The following GCFC2 variants were observed in gnomAD, a reference collection of about 807,000 sequenced individuals.
GCFC2 encodes intron Large complex component GCFC2.
A neutral mutation model predicts 99.4 loss-of-function variants in GCFC2; 102 were observed. The ratio of observed to expected loss-of-function variants is 1.03; its 90% confidence interval spans 0.87 to 1.21. The LOEUF (loss-of-function observed/expected upper bound fraction) is 1.21. GCFC2 is among the 50% of genes most tolerant of loss of function. The probability of loss-of-function intolerance (pLI) is 0.00; values close to 1 mark genes in which losing one functional copy is unlikely to be tolerated. For missense variants in GCFC2, 973 were observed against 920.9 expected (o/e 1.06, Z -0.73); for synonymous variants, 338 against 316.8 (o/e 1.07, Z -0.71).
rs1478976305 is a variant in GCFC2, at chr2:75,689,188, T to G, written c.1377A>C (p.Glu459Asp). The G allele has an allele frequency of 1.9e-6, 3 of 1,603,236 alleles. No individual in the cohort carries two copies. The highest frequency in any genetic ancestry group is 1.3e-5 in the African/African-American group (1 of 74,558). The stretch of plus-strand genomic sequence containing the variant: ...GGATGTTACAAAAATCATCTTGCAC[T>G]TCTTCAAAAACTTTCTTCTGTTTCT... ...ILQKQKKVFE[E>D]VQDDFCNIQN... The change falls in exon 10 of 17, where the codon GAA becomes GAC. Residue 459 changes from glutamate to aspartate, a missense_variant. By Grantham distance (45) the Glu-to-Asp change is conservative. Coordinates refer to ENST00000321027, the MANE Select transcript of GCFC2 (RefSeq NM_003203.5).
chr2:75,693,184 A>G (rs1375955824), intron 6 of GCFC2, among the ~76,000 whole-genome samples: 1 of 152,168 alleles, frequency 6.6e-6, no homozygotes, highest in Admixed American at 6.5e-5. Flanking sequence ...CAGGCCTATA[A>G]CCCTAGCACT....
intron 11 of GCFC2, among the ~76,000 whole-genome samples, chr2:75,684,199 C>T (rs1388806388): frequency 6.6e-6 from 1 of 152,210 alleles, no homozygotes; most frequent in Non-Finnish European, 1.5e-5. Context: ...CCACATCACA[C>T]TTATTCTAAA....
rs998282287 is a variant in GCFC2, at chr2:75,675,509, G to C, written c.1813-1989C>G. ...TGTAATCCTAGCACTTTGGGAGGCTGAGGTGGGTGGGTCACTTGAGGCCAG... is the reference window on the plus strand; with the variant it reads ...TGTAATCCTAGCACTTTGGGAGGCTCAGGTGGGTGGGTCACTTGAGGCCAG... On this transcript the variant is annotated intron_variant, in intron 12 of 16. Transcript: ENST00000321027. 9.2e-5 allele frequency among the ~76,000 whole-genome samples: 14 copies of C among 152,108 alleles called. No homozygotes were observed. The East Asian group carries it at 2.7e-3, about 29-fold the overall frequency.
chr2:75,694,950 A>T (rs1195901749), intron 5 of GCFC2, among the ~76,000 whole-genome samples: 1 of 152,130 alleles, frequency 6.6e-6, no homozygotes, highest in African/African-American at 2.4e-5. Context: ...GTGGTAATTT[A>T]CTTCGTTCTG....
At chr2:75,692,452 G>C (rs754689133) in intron 6 of GCFC2, among the ~76,000 whole-genome samples, 2 of 152,012 alleles carry the variant, frequency 1.3e-5, no homozygotes, top group Non-Finnish European at 2.9e-5. Flanking sequence ...TTCAAGGCCA[G>C]CCTGGCCAAC....
At chr2:75,672,182 TA>T (rs997903448) in intron 13 of GCFC2, among the ~76,000 whole-genome samples, 166 bp from the exon 14 acceptor site, 29 of 145,912 alleles carry the variant, frequency 2.0e-4, no homozygotes, top group African/African-American at 6.0e-4. Flanking sequence ...TATTTATTTA[TA>T]AAATATATAT....
intron 11 of GCFC2, among the ~76,000 whole-genome samples, chr2:75,682,509 T>C (rs1262360876): frequency 6.6e-6 from 1 of 151,702 alleles, no homozygotes; most frequent in Non-Finnish European, 1.5e-5. Context: ...GCAAAAAGGC[T>C]GAAAATTCCA....
rs1678670943 is a variant in GCFC2, at chr2:75,662,955, TTTTGTAAA to T, written c.*1703_*1710del. ...ATGTACACATAGAAACACGTAACAT[TTTTGTAAA>T]TAGAGAAAAGGTCTAAAAGGATAAC... On this transcript the variant is annotated 3_prime_UTR_variant, in exon 17 of 17. Transcript: ENST00000321027. 2 of 150,902 alleles carry T rather than the reference TTTTGTAAA, an allele frequency of 1.3e-5. No homozygotes were observed. The highest frequency in any genetic ancestry group is 6.6e-5 in the Admixed American group (1 of 15,190). 9.3% of individuals were successfully genotyped at this position (150,902 alleles called of 1,614,324 possible). A position where few individuals can be genotyped will look rare whatever the true frequency, so the allele number is the denominator to read the frequency against.
rs752872194 is a variant in GCFC2, at chr2:75,687,780, ACT to A, written c.1690+45_1690+46del. The A allele has an allele frequency of 9.7e-5, 140 of 1,436,814 alleles. 1 individual carries two copies. Among genetic ancestry groups the A allele is most frequent in the Middle Eastern group, 7.1e-4 (4 of 5,668 alleles). 89.0% of individuals were successfully genotyped at this position (1,436,814 alleles called of 1,614,324 possible). On this transcript the variant is annotated intron_variant, in intron 11 of 16. Coordinates refer to ENST00000321027, the MANE Select transcript of GCFC2 (RefSeq NM_003203.5). ...ATAACAGAAATTAACAACCTTATATACTCTGTCAGAAAATAATTTAATTTTAC... is the reference window on the plus strand; with the variant it reads ...ATAACAGAAATTAACAACCTTATATACTGTCAGAAAATAATTTAATTTTAC...
intron 4 of GCFC2, among the ~76,000 whole-genome samples, chr2:75,700,820 G>C (rs1221900099): frequency 6.6e-6 from 1 of 152,166 alleles, no homozygotes; most frequent in Non-Finnish European, 1.5e-5. Context: ...CTTTGTGGTT[G>C]TAATTAAGTG....
intron 3 of GCFC2, chr2:75,701,911 G>T (rs895681957): frequency 3.5e-6 from 4 of 1,136,838 alleles, no homozygotes; most frequent in African/African-American, 1.6e-5. Context: ...AAAAACGATC[G>T]TTTTCAATGC....
intron 12 of GCFC2, 34 bp downstream of exon 12, chr2:75,680,159 A>T: frequency 6.8e-7 from 1 of 1,480,054 alleles, no homozygotes; most frequent in South Asian, 1.2e-5. Context: ...ATTTAGAGAT[A>T]GATCATGGAG....
chr2:75,673,409 C>T (rs760886706), intron 13 of GCFC2, 35 bp downstream of exon 13: 22 of 854,814 alleles, frequency 2.6e-5, no homozygotes, highest in Admixed American at 2.2e-4. Context: ...CTATGATCAG[C>T]TATTTCCAAC....
At chr2:75,695,229 T>A (rs1680254955) in intron 5 of GCFC2, among the ~76,000 whole-genome samples, 1 of 152,170 alleles carries the variant, frequency 6.6e-6, no homozygotes, top group Admixed American at 6.5e-5. Context: ...GTTTACATAT[T>A]GTCTATGGCT....
chr2:75,695,976 C>T (rs1277507926), intron 5 of GCFC2, among the ~76,000 whole-genome samples: 1 of 152,136 alleles, frequency 6.6e-6, no homozygotes, highest in Non-Finnish European at 1.5e-5. Context: ...ACCATGGTTT[C>T]ACTACCGATA....
chr2:75,687,836 G>C lies in GCFC2; in HGVS notation c.1681C>G (p.Arg561Gly). The change falls in exon 11 of 17, where the codon CGA (arginine) becomes GGA (glycine). Residue 561 changes from arginine to glycine, a missense_variant. Arg to Gly is a moderately radical substitution (Grantham distance 125). Transcript: ENST00000321027. ...GGTTACGAAGCAGTACCTGTAAGTC[G>C]GGGAATAATTGTTTTGTTGATGATT... ...SAIINKTIIP[R>G]LTDFVEFLWD... 1 of 1,605,484 alleles carries C rather than the reference G, an allele frequency of 6.2e-7. No homozygotes were observed. The highest frequency in any genetic ancestry group is 8.5e-7 in the Non-Finnish European group (1 of 1,176,276).
intron 11 of GCFC2, among the ~76,000 whole-genome samples, chr2:75,682,360 T>C (rs979766115): frequency 2.6e-5 from 4 of 151,906 alleles, no homozygotes; most frequent in Non-Finnish European, 5.9e-5. Context: ...GGGGCCTGAC[T>C]GTTAAAAGCA....
rs1158855275 is a variant in GCFC2, at chr2:75,663,417, A to C, written c.*1249T>G. 6.6e-6 allele frequency: 1 copy of C among 152,194 alleles called. No individual in the cohort carries two copies. Among genetic ancestry groups the C allele is most frequent in the Admixed American group, 6.5e-5 (1 of 15,278 alleles). The allele number at this position is 152,194 out of a possible 1,614,324, so 9.4% of individuals were successfully genotyped here. A position where few individuals can be genotyped will look rare whatever the true frequency, so the allele number is the denominator to read the frequency against. ...GATTAAATTATCTTGCCTCTGTTTT[A>C]TTAGACAAATATTTTATCAGAAAAT... is the stretch of plus-strand genomic sequence containing the variant. On this transcript the variant is annotated 3_prime_UTR_variant, in exon 17 of 17. Transcript: ENST00000321027.
In GCFC2 at chr2:75,680,286, CAA is replaced by C. The variant is rs1679516691; in HGVS notation, c.1717_1718del (p.Leu573ValfsTer17). On this transcript the variant is annotated frameshift_variant, in exon 12 of 17. Coordinates refer to ENST00000321027, the MANE Select transcript of GCFC2 (RefSeq NM_003203.5). LOFTEE classifies it high-confidence loss of function. ...TDFVEFLWDP[L>X]STSQTTSLIT... is the part of the protein sequence containing the mutation. ...TTAAACTTGTTGTCTGTGAGGTTGA[CAA>C]AGGATCCCAAAGGAATTCTACAAAG... 1 of 1,608,092 alleles carries C rather than the reference CAA, an allele frequency of 6.2e-7. No homozygotes were observed. Among genetic ancestry groups the C allele is most frequent in the Non-Finnish European group, 8.5e-7 (1 of 1,175,060 alleles).
Sources: allele counts gnomAD v4.1 joint callset (sites outside exome capture counted in the v4.1 genomes callset), GRCh38; gene constraint gnomAD v4.1.1; transcripts MANE v1.5; gene names NCBI Gene and HGNC (gene_info 2026-07-23, HGNC 2026-07-21).